Variants in TRERF1 observed in about 807,000 individuals in gnomAD.
TRERF1 encodes transcriptional-regulating factor 1.
In TRERF1, 27 loss-of-function variants were observed where a neutral mutation model predicts 122.9. The ratio of observed to expected loss-of-function variants is 0.22; its 90% CI spans 0.16 to 0.30. The LOEUF (loss-of-function observed/expected upper bound fraction) is 0.30. Among genes scored for constraint, TRERF1 ranks in the 10% least tolerant of loss-of-function variants. The pLI is 1.00. For synonymous variants in TRERF1, 636 were observed against 641.7 expected, an observed-to-expected ratio of 0.99 and a Z score of 0.13; for missense variants, 1,248 against 1,560.3, an observed-to-expected ratio of 0.80 and a Z score of 3.37.
chr6:42,264,651 G>A (rs1235224113), intron 7 of TRERF1, 53 bp downstream of exon 7: 4 of 1,590,990 alleles, frequency 2.5e-6, no homozygotes, highest in Non-Finnish European at 3.4e-6. Context: ...CGGCAGCAAA[G>A]CAAAGCAAGC....
At chr6:42,417,835 A>G (rs1024632858) in intron 2 of TRERF1, among the ~76,000 whole-genome samples, 3 of 152,252 alleles carry the variant, frequency 2.0e-5, no homozygotes, top group African/African-American at 7.2e-5. Context: ...ACTTGCATTC[A>G]AAGAAATGGC....
In TRERF1 at chr6:42,226,131, C is replaced by G. The variant is rs148804099; in HGVS notation, c.*2214G>C. On this transcript the variant is annotated 3_prime_UTR_variant, in exon 18 of 18. Transcript: ENST00000372922. ...TGAACTGTCTCGTTAAGGAGGAGTT[C>G]TTTGGTTGTTTCAAGTCAAAAATCC... The G allele has an allele frequency of 4.6e-5, 7 of 152,272 alleles. No individual in the cohort carries two copies. In the East Asian group the frequency reaches 1.4e-3, roughly 29 times the overall value. 9.4% of individuals were successfully genotyped at this position (152,272 alleles called of 1,614,324 possible).
In TRERF1 at chr6:42,277,432, C is replaced by T. The variant is rs116508866; in HGVS notation, c.-258-7584G>A. On this transcript the variant is annotated intron_variant, in intron 4 of 17. Transcript: ENST00000372922. The stretch of plus-strand genomic sequence containing the variant: ...ACATTCTTTGGGGTCTTTTTGAAGC[C>T]TCATCCTCCCTCAGATTGTGAGCTT... Among the ~76,000 whole-genome samples the T allele has an allele frequency of 6.3e-3, 955 of 152,268 alleles. 6 individuals are homozygous for T. The highest frequency in any genetic ancestry group is 0.022 in the African/African-American group (920 of 41,542).
At chr6:42,251,605 C>A (rs370892027) in intron 13 of TRERF1, among the ~76,000 whole-genome samples, 1 of 152,038 alleles carries the variant, frequency 6.6e-6, no homozygotes, top group African/African-American at 2.4e-5. Flanking sequence ...CTTGAGGGGA[C>A]CACTGTCTAG....
At position 42,228,485 on chromosome 6, in the gene TRERF1, G is replaced by A; in HGVS notation, c.3463C>T (p.Pro1155Ser). The A allele has an allele frequency of 2.5e-6, 4 of 1,614,142 alleles. No homozygotes were observed. The highest frequency in any genetic ancestry group is 3.4e-6 in the Non-Finnish European group (4 of 1,180,034). Residue 1155 changes from proline to serine, a missense_variant, in exon 18 of 18, where the codon CCC (proline) becomes TCC (serine). Physicochemically the swap from Pro to Ser is moderately conservative, Grantham distance 74. This residue lies in a region of TRERF1 where 84 missense variants were observed against 116.0 expected (regional missense o/e 0.72). Transcript: ENST00000372922. This position sits in a 1 kb window ranked among gnomAD's most constrained non-coding sequence, Gnocchi z 4.2. ...TCGAGGATGTCCACATCCTTGATGG[G>A]TTTGATCAGACTCAGCTGGTCCAGG...
At chr6:42,417,519 C>T (rs1417353432) in intron 2 of TRERF1, among the ~76,000 whole-genome samples, 1 of 152,214 alleles carries the variant, frequency 6.6e-6, no homozygotes, top group Non-Finnish European at 1.5e-5. Flanking sequence ...CCCCAGGAAA[C>T]AGCCCAGTAT....
At position 42,295,158 on chromosome 6, in the gene TRERF1, T is replaced by A. The variant is rs9462796; in HGVS notation, c.-259+5480A>T. 9.2e-3 allele frequency among the ~76,000 whole-genome samples: 1,404 copies of A among 152,284 alleles called. 10 individuals carry two copies. Among genetic ancestry groups the A allele is most frequent in the Non-Finnish European group, 0.014 (955 of 68,000 alleles). On this transcript the variant is annotated intron_variant, in intron 4 of 17. Coordinates refer to ENST00000372922, the Ensembl canonical transcript of TRERF1. Reference sequence around the variant, plus strand: ...TAACTCTAACAATGTCCCTGCTTAGTCCCCCTAGAAACCTTCACCCTTCTA... The same window carrying A: ...TAACTCTAACAATGTCCCTGCTTAGACCCCCTAGAAACCTTCACCCTTCTA...
chr6:42,349,703 G>C (rs1769026360), intron 3 of TRERF1, among the ~76,000 whole-genome samples: 1 of 152,098 alleles, frequency 6.6e-6, no homozygotes, highest in South Asian at 2.1e-4. Flanking sequence ...GATGGAGGGG[G>C]TAAAACCCTT....
intron 3 of TRERF1, among the ~76,000 whole-genome samples, chr6:42,316,907 C>T (rs1762594228): frequency 6.6e-6 from 1 of 152,120 alleles, no homozygotes; most frequent in Non-Finnish European, 1.5e-5. Flanking sequence ...GTGACTTCCC[C>T]AATTGCTCCT....
In TRERF1 at chr6:42,259,299, A is replaced by T; in HGVS notation, c.2269+40T>A. On this transcript the variant is annotated intron_variant, in intron 9 of 17. Coordinates refer to ENST00000372922, the Ensembl canonical transcript of TRERF1. The surrounding 1 kb of genome is among the most constrained non-coding windows in gnomAD (Gnocchi z 4.9). ...AACGAGATGTCCCAGGACTTTACCC[A>T]GCACCCAGAGCCCAGGAGGACGCTA... 6.8e-7 allele frequency: 1 copy of T among 1,481,464 alleles called. No individual in the cohort carries two copies. Among genetic ancestry groups the T allele is most frequent in the Non-Finnish European group, 8.9e-7 (1 of 1,124,886 alleles). The allele number at this position is 1,481,464 out of a possible 1,614,324, so 91.8% of individuals were successfully genotyped here. A position where few individuals can be genotyped will look rare whatever the true frequency, so the allele number is the denominator to read the frequency against.
At chr6:42,260,754 C>CA (rs997676086) in intron 8 of TRERF1, among the ~76,000 whole-genome samples, 3 of 152,116 alleles carry the variant, frequency 2.0e-5, no homozygotes, top group African/African-American at 4.8e-5. Context: ...TAGGAAGCAG[C>CA]AGGGGGTGAT....
chr6:42,425,195 A>G (rs1019589252), intron 2 of TRERF1, among the ~76,000 whole-genome samples: 4 of 152,148 alleles, frequency 2.6e-5, no homozygotes, highest in South Asian at 2.1e-4. Flanking sequence ...CTCAAAAACA[A>G]TAATAGTGAA....
intron 2 of TRERF1, among the ~76,000 whole-genome samples, chr6:42,408,783 T>C (rs1430311180): frequency 6.6e-6 from 1 of 152,150 alleles, no homozygotes; most frequent in African/African-American, 2.4e-5. Context: ...TTCAAACACA[T>C]TTGCTCTCGA....
Position 42,269,286 on chromosome 6 carries a change from G to C in TRERF1, c.305C>G (p.Ala102Gly), listed in dbSNP as rs1361444216. 1.2e-6 allele frequency: 2 copies of C among 1,614,160 alleles called. No individual in the cohort carries two copies. Among genetic ancestry groups the C allele is most frequent in the Admixed American group, 1.7e-5 (1 of 60,028 alleles). Residue 102 changes from alanine (A) to glycine (G), a missense_variant, in exon 5 of 18, where the codon GCC (alanine) becomes GGC (glycine). By Grantham distance (60) the Ala-to-Gly change is moderately conservative. This residue lies in a region of TRERF1 where 946 missense variants were observed against 1,073.0 expected (regional missense o/e 0.88). Transcript: ENST00000372922. The surrounding 1 kb of genome is among the most constrained non-coding windows in gnomAD (Gnocchi z 4.9). ...TGCCCCCCACATCATGTTTGAGTTG[G>C]CCAGGTTTCCACGTAGCTGGACATG...
chr6:42,375,003 C>CAAA (rs55696342), intron 2 of TRERF1, among the ~76,000 whole-genome samples: 116 of 87,492 alleles, frequency 1.3e-3, no homozygotes, highest in African/African-American at 4.3e-3. Context: ...AAGATTCTGT[C>CAAA]AAAAAAAAAA....
At chr6:42,424,439 G>T (rs1408247893) in intron 2 of TRERF1, among the ~76,000 whole-genome samples, 8 of 152,076 alleles carry the variant, frequency 5.3e-5, no homozygotes, top group Non-Finnish European at 7.4e-5. Context: ...TGAGGTCAAA[G>T]CTTTGTTTCA....
intron 3 of TRERF1, among the ~76,000 whole-genome samples, chr6:42,360,487 A>G (rs1442121812): frequency 6.6e-6 from 1 of 152,214 alleles, no homozygotes; most frequent in Non-Finnish European, 1.5e-5. Context: ...ACTATACCAC[A>G]TTAAAACACT....
In TRERF1 at chr6:42,263,219, G is replaced by T. The variant is rs1778544459; in HGVS notation, c.1884+101C>A. The T allele has an allele frequency of 2.7e-6, 4 of 1,474,972 alleles. No homozygotes were observed. The highest frequency in any genetic ancestry group is 1.4e-5 in the South Asian group (1 of 69,570). 91.4% of individuals were successfully genotyped at this position (1,474,972 alleles called of 1,614,324 possible). A position where few individuals can be genotyped will look rare whatever the true frequency, so the allele number is the denominator to read the frequency against. ...CGCCCCATCTCCAAGAAAGCAAAGGGATGTCCCCACCCAGGCAGGTGGGGC... is the reference window on the plus strand; with the variant it reads ...CGCCCCATCTCCAAGAAAGCAAAGGTATGTCCCCACCCAGGCAGGTGGGGC... On this transcript the variant is annotated intron_variant, in intron 8 of 17. Coordinates refer to ENST00000372922, the Ensembl canonical transcript of TRERF1. This position sits in a 1 kb window ranked among gnomAD's most constrained non-coding sequence, Gnocchi z 5.6.
At chr6:42,359,585 G>T (rs1345182061) in intron 3 of TRERF1, among the ~76,000 whole-genome samples, 1 of 152,146 alleles carries the variant, frequency 6.6e-6, no homozygotes, top group Non-Finnish European at 1.5e-5. Context: ...TTAGCTGGGC[G>T]CGGTGGCGTG....
Sources: allele counts gnomAD v4.1 joint callset (sites outside exome capture counted in the v4.1 genomes callset), GRCh38; gene constraint gnomAD v4.1.1; regional missense constraint gnomAD v4.1.1; non-coding constraint Gnocchi (gnomAD v3.1); transcripts MANE v1.5; gene names NCBI Gene and HGNC (gene_info 2026-07-23, HGNC 2026-07-21).